CDH13: variants seen among roughly 807,000 people sequenced by gnomAD.
CDH13 encodes cadherin-13.
CDH13 carries 24 observed loss-of-function variants against 63.8 expected under a neutral mutation model. The observed-to-expected ratio is 0.38, with a 90% CI of 0.27 to 0.53. The LOEUF is 0.53. Among genes scored for constraint, CDH13 ranks in the 20% least tolerant of loss-of-function variants. The pLI, the probability that CDH13 is intolerant of heterozygous loss-of-function variation, is 0.85. For missense variants in CDH13, 1,049 were observed against 903.1 expected, an observed-to-expected ratio of 1.16 and a Z score of -2.07; for synonymous variants, 503 against 355.3, an observed-to-expected ratio of 1.42 and a Z score of -4.67.
chr16:82,627,147 A>C lies in CDH13; in HGVS notation c.45+10A>C. On this transcript the variant is annotated intron_variant, in intron 1 of 13. Coordinates refer to ENST00000567109, the MANE Select transcript of CDH13 (RefSeq NM_001257.5). ...CGTTCTCCTGTCCCAGGTAGGGAAG[A>C]GGGGCTGCCGGGCGCGCTCTGCGCC... 1 of 1,603,408 alleles carries C rather than the reference A, an allele frequency of 6.2e-7. No individual in the cohort carries two copies. Among genetic ancestry groups the C allele is most frequent in the Non-Finnish European group, 8.5e-7 (1 of 1,175,352 alleles).
chr16:83,105,212 G>A (rs9927709), intron 3 of CDH13, among the ~76,000 whole-genome samples: 8 of 152,212 alleles, frequency 5.3e-5, no homozygotes, highest in African/African-American at 1.7e-4. Context: ...CAGGATCACC[G>A]TAAGATTCTA....
At position 82,858,678 on chromosome 16, in the gene CDH13, T is replaced by C. The variant is rs150120548; in HGVS notation, c.157+205T>C. 3.0e-4 allele frequency: 183 copies of C among 613,708 alleles called. No homozygotes were observed. The African/African-American group carries it at 3.2e-3, about 11-fold the overall frequency. The allele number at this position is 613,708 out of a possible 1,614,324, so 38.0% of individuals were successfully genotyped here. A position where few individuals can be genotyped will look rare whatever the true frequency, so the allele number is the denominator to read the frequency against. ...TAATAGAGTGATATGCATCTCTTTT[T>C]AGTATTTTATCATCAGTGGGTATCT... On this transcript the variant is annotated intron_variant, in intron 2 of 13. Transcript: ENST00000567109.
In CDH13 at chr16:82,644,635, A is replaced by C. The variant is rs1209697005; in HGVS notation, c.45+17498A>C. 6.6e-6 allele frequency among the ~76,000 whole-genome samples: 1 copy of C among 152,110 alleles called. No homozygotes were observed. The highest frequency in any genetic ancestry group is 1.5e-5 in the Non-Finnish European group (1 of 68,032). Reference sequence around the variant, plus strand: ...TGTCTTCATAGGTCTCCAGTCTGTAAAAGCAACCACGCTTTGGGCTGGGGC... The same window carrying C: ...TGTCTTCATAGGTCTCCAGTCTGTACAAGCAACCACGCTTTGGGCTGGGGC... On this transcript the variant is annotated intron_variant, in intron 1 of 13. Coordinates refer to ENST00000567109, the MANE Select transcript of CDH13 (RefSeq NM_001257.5). The surrounding 1 kb of genome is among the most constrained non-coding windows in gnomAD (Gnocchi z 5.7).
chr16:83,323,623 AAAAT>A (rs943406184), intron 5 of CDH13, among the ~76,000 whole-genome samples: 8 of 152,182 alleles, frequency 5.3e-5, no homozygotes, highest in African/African-American at 1.9e-4. Context: ...AACAAAAACA[AAAAT>A]AAACAAAAAA....
chr16:82,787,848 G>GTGTGTGTGTGTGTGTGTGTGTGTT (rs2036095758), intron 1 of CDH13, among the ~76,000 whole-genome samples: 2 of 151,980 alleles, frequency 1.3e-5, no homozygotes, highest in African/African-American at 2.4e-5. Flanking sequence ...GGAAGTGTGT[G>GTGTGTGTGTGTGTGTGTGTGTGTT]TGTGATCTCA....
At chr16:82,804,038 A>G (rs747939111) in intron 1 of CDH13, among the ~76,000 whole-genome samples, 2 of 152,166 alleles carry the variant, frequency 1.3e-5, no homozygotes, top group Middle Eastern at 3.4e-3. Flanking sequence ...GACCAGCCTG[A>G]CCAACATGGT....
intron 1 of CDH13, among the ~76,000 whole-genome samples, chr16:82,791,549 C>T (rs1013118333): frequency 2.0e-5 from 3 of 152,166 alleles, no homozygotes; most frequent in African/African-American, 7.2e-5. Context: ...CAAGTGAACA[C>T]TCTTCTGGTC....
chr16:83,062,414 G>A (rs950505519), intron 3 of CDH13, among the ~76,000 whole-genome samples: 7 of 152,138 alleles, frequency 4.6e-5, no homozygotes, highest in South Asian at 2.1e-4. Flanking sequence ...TGCCTGACAC[G>A]TAGTGCTTCA....
intron 6 of CDH13, among the ~76,000 whole-genome samples, chr16:83,484,776 T>G (rs1410625481): frequency 6.6e-6 from 1 of 152,226 alleles, no homozygotes; most frequent in Non-Finnish European, 1.5e-5. Flanking sequence ...TTGTGGCATG[T>G]TCTGTGTGTA....
Position 83,284,040 on chromosome 16 carries a change from G to A in CDH13, c.637-60822G>A, listed in dbSNP as rs1231329464. On this transcript the variant is annotated intron_variant, in intron 5 of 13. Transcript: ENST00000567109. The stretch of plus-strand genomic sequence containing the variant: ...CCTAGAGCCAAACCATTCTCTGTGA[G>A]ATCTGAAACCAAGCCCCTGTAGTCT... 2.0e-5 allele frequency among the ~76,000 whole-genome samples: 3 copies of A among 152,310 alleles called. No homozygotes were observed. In the South Asian group the frequency reaches 6.2e-4, roughly 32 times the overall value.
chr16:83,410,726 T>C lies in CDH13; in HGVS notation c.781+65720T>C, dbSNP rs150994368. On this transcript the variant is annotated intron_variant, in intron 6 of 13. Transcript: ENST00000567109. The stretch of plus-strand genomic sequence containing the variant: ...TCCATTGAACTTTTCTGAAAAGTAT[T>C]ATAAAGAAGGTTCAATTTAATTATG... Among the ~76,000 whole-genome samples the C allele has an allele frequency of 2.8e-3, 425 of 152,296 alleles. 2 individuals carry two copies. Among genetic ancestry groups the C allele is most frequent in the Non-Finnish European group, 3.4e-3 (230 of 68,022 alleles).
intron 1 of CDH13, among the ~76,000 whole-genome samples, chr16:82,710,552 AATATAT>A (rs1555537840): frequency 0.014 from 899 of 63,766 alleles, 30 homozygotes; most frequent in African/African-American, 0.05. Context: ...AAAAAAAAAA[AATATAT>A]ATATATATAT....
At chr16:83,503,459 A>G (rs1441136052) in intron 7 of CDH13, among the ~76,000 whole-genome samples, 1 of 152,112 alleles carries the variant, frequency 6.6e-6, no homozygotes, top group Non-Finnish European at 1.5e-5. Flanking sequence ...GGGCAGTGAG[A>G]AGGAGGCCGG....
chr16:83,321,123 T>C (rs1567589672), intron 5 of CDH13, among the ~76,000 whole-genome samples: 1 of 152,246 alleles, frequency 6.6e-6, no homozygotes, highest in Non-Finnish European at 1.5e-5. Context: ...GGGGCCTTCC[T>C]GATGTCTCAC....
chr16:83,150,706 A>T (rs1409478141), intron 4 of CDH13, among the ~76,000 whole-genome samples: 2 of 152,204 alleles, frequency 1.3e-5, no homozygotes, highest in Non-Finnish European at 2.9e-5. Context: ...TATAGTAAGC[A>T]ACTCTTAGGA....
intron 8 of CDH13, among the ~76,000 whole-genome samples, chr16:83,667,816 C>G (rs1031488444): frequency 1.3e-5 from 2 of 151,960 alleles, no homozygotes; most frequent in Admixed American, 6.6e-5. Context: ...TGCCACCACA[C>G]CTGGCTAATT....
chr16:83,361,960 A>T (rs376709963), intron 6 of CDH13, among the ~76,000 whole-genome samples: 1 of 152,276 alleles, frequency 6.6e-6, no homozygotes, highest in East Asian at 1.9e-4. Flanking sequence ...TTCTATCAAA[A>T]ATGATCTTGG....
At position 83,678,428 on chromosome 16, in the gene CDH13, C is replaced by T. The variant is rs540659709; in HGVS notation, c.1505C>T (p.Thr502Met). Residue 502 changes from threonine to methionine, a missense_variant, in exon 10 of 14, where the codon ACG (threonine) becomes ATG (methionine). Physicochemically the swap from Thr to Met is moderately conservative, Grantham distance 81. Coordinates refer to ENST00000567109, the MANE Select transcript of CDH13 (RefSeq NM_001257.5). Reference sequence around the variant, plus strand: ...AGCGTGCTGCTGACAGTGAATGCCACGGACCCCGACTCCCTGCAGCATCAA... The same window carrying T: ...AGCGTGCTGCTGACAGTGAATGCCATGGACCCCGACTCCCTGCAGCATCAA... ...VGSVLLTVNA[T>M]DPDSLQHQTI... The T allele has an allele frequency of 6.8e-5, 109 of 1,613,852 alleles. No homozygotes were observed. The highest frequency in any genetic ancestry group is 1.6e-4 in the Middle Eastern group (1 of 6,084).
chr16:82,733,774 A>C (rs950388496), intron 1 of CDH13, among the ~76,000 whole-genome samples: 2 of 152,250 alleles, frequency 1.3e-5, no homozygotes, highest in Admixed American at 6.5e-5. Context: ...TAAGATATGA[A>C]GAGAAAAGAA....
Sources: gnomAD v4.1 joint callset for allele counts (sites outside exome capture counted in the v4.1 genomes callset) on GRCh38, gnomAD v4.1.1 for gene constraint, Gnocchi (gnomAD v3.1) non-coding constraint, MANE v1.5 for transcripts, NCBI Gene and HGNC (gene_info 2026-07-23, HGNC 2026-07-21) for gene names.